The following SH3PXD2A variants were observed in gnomAD, a reference collection of about 807,000 sequenced individuals.
The protein encoded by SH3PXD2A is SH3 and PX domain-containing protein 2A.
A neutral mutation model predicts 115.2 loss-of-function variants in SH3PXD2A; 32 were observed. The ratio of observed to expected loss-of-function variants is 0.28; its 90% CI spans 0.21 to 0.37. The LOEUF (loss-of-function observed/expected upper bound fraction) is 0.37. Among genes scored for constraint, SH3PXD2A ranks in the 10% least tolerant of loss-of-function variants. SH3PXD2A has a pLI of 1.00. For synonymous variants in SH3PXD2A, 610 were observed against 629.1 expected (o/e 0.97, Z 0.45); for missense variants, 1,328 against 1,498.7 (o/e 0.89, Z 1.88).
chr10:103,677,366 G>T, intron 6 of SH3PXD2A, among the ~76,000 whole-genome samples: 1 of 152,194 alleles, frequency 6.6e-6, no homozygotes, highest in East Asian at 1.9e-4. Context: ...GGTCCCGGAA[G>T]GTCTGAGGGA....
At chr10:103,824,553 C>G (rs550144769) in intron 1 of SH3PXD2A, among the ~76,000 whole-genome samples, 1 of 152,298 alleles carries the variant, frequency 6.6e-6, no homozygotes, top group African/African-American at 2.4e-5. Context: ...TCTGGGGCCA[C>G]AGAGAACATA....
intron 5 of SH3PXD2A, among the ~76,000 whole-genome samples, chr10:103,701,759 C>CCATCCATCCATCCATCATT (rs145811918): frequency 1.2e-4 from 17 of 139,456 alleles, no homozygotes; most frequent in Admixed American, 4.9e-4. Context: ...CGTCCATCAT[C>CCATCCATCCATCCATCATT]CATCCAGCCA....
intron 6 of SH3PXD2A, among the ~76,000 whole-genome samples, chr10:103,689,621 T>G (rs573790551): frequency 2.0e-5 from 3 of 151,998 alleles, no homozygotes; most frequent in Non-Finnish European, 4.4e-5. Flanking sequence ...GCTAAGGTCA[T>G]GCCACTGCAC....
In SH3PXD2A at chr10:103,853,626, G is replaced by A. The variant is rs561549376; in HGVS notation, c.72+1569C>T. Among the ~76,000 whole-genome samples, 3 of 152,342 alleles carry A rather than the reference G, an allele frequency of 2.0e-5. No homozygotes were observed. The South Asian group carries it at 6.2e-4, about 32-fold the overall frequency. On this transcript the variant is annotated intron_variant, in intron 1 of 14. Coordinates refer to ENST00000369774, the MANE Select transcript of SH3PXD2A (RefSeq NM_001394015.1). ...GGGCCCCGGTTCTAGTTTGTTACCA[G>A]TGTGTCCTGCATCTGCAACCTTGGG... is the stretch of plus-strand genomic sequence containing the variant.
intron 2 of SH3PXD2A, among the ~76,000 whole-genome samples, chr10:103,797,800 A>T (rs762376762): frequency 2.0e-5 from 3 of 151,938 alleles, no homozygotes; most frequent in Admixed American, 6.6e-5. Context: ...GGAAAAACCA[A>T]AGAGTGTGGG....
At chr10:103,655,771 TAAAAAAA>T (rs60526548) in intron 8 of SH3PXD2A, among the ~76,000 whole-genome samples, 16 of 46,188 alleles carry the variant, frequency 3.5e-4, no homozygotes, top group African/African-American at 1.2e-3. Context: ...AGACCCTGTC[TAAAAAAA>T]AAAAAAAAAA....
chr10:103,623,268 G>GC (rs368108415), intron 9 of SH3PXD2A, among the ~76,000 whole-genome samples: 1,918 of 145,866 alleles, frequency 0.013, 35 homozygotes, highest in African/African-American at 0.04. Flanking sequence ...TGATGACAGG[G>GC]GCCCCCTCCC....
Position 103,690,273 on chromosome 10 carries a change from A to G in SH3PXD2A, c.427+2755T>C, listed in dbSNP as rs117512836. 1.1e-3 allele frequency among the ~76,000 whole-genome samples: 160 copies of G among 152,344 alleles called. 5 individuals carry two copies. The East Asian group carries it at 0.03, about 29-fold the overall frequency. On this transcript the variant is annotated intron_variant, in intron 6 of 14. Coordinates refer to ENST00000369774, the MANE Select transcript of SH3PXD2A (RefSeq NM_001394015.1). ...CTAGGTGGCAGGCAGTGTTCTAAAC[A>G]TGCTTACATATATTAGTTTATCTAA...
At chr10:103,709,931 C>T (rs1051134546) in intron 5 of SH3PXD2A, among the ~76,000 whole-genome samples, 3 of 151,504 alleles carry the variant, frequency 2.0e-5, no homozygotes, top group Non-Finnish European at 4.4e-5. Context: ...CATGGCAAAA[C>T]CTTGTCTCTA....
chr10:103,736,651 A>G, intron 3 of SH3PXD2A: 1 of 689,882 alleles, frequency 1.4e-6, no homozygotes, highest in Non-Finnish European at 2.2e-6. Context: ...AGCTGGGAGT[A>G]ATGTCCCTCT....
chr10:103,697,967 G>C (rs2037844653), intron 5 of SH3PXD2A, among the ~76,000 whole-genome samples: 1 of 152,182 alleles, frequency 6.6e-6, no homozygotes, highest in Admixed American at 6.5e-5. Flanking sequence ...CCATTTCATG[G>C]ATGAGGAGAT....
chr10:103,781,982 C>T (rs554555420), intron 2 of SH3PXD2A, among the ~76,000 whole-genome samples: 26 of 152,268 alleles, frequency 1.7e-4, no homozygotes, highest in African/African-American at 6.3e-4. Flanking sequence ...GGGAACCCAC[C>T]GCCTCTCTGA....
chr10:103,781,261 A>G (rs574759037), intron 2 of SH3PXD2A, among the ~76,000 whole-genome samples: 27 of 152,320 alleles, frequency 1.8e-4, no homozygotes, highest in Middle Eastern at 6.8e-3. Flanking sequence ...AGGTACAATC[A>G]TGGAACTAAA....
chr10:103,732,010 A>G (rs2038325441), intron 4 of SH3PXD2A, among the ~76,000 whole-genome samples: 1 of 152,212 alleles, frequency 6.6e-6, no homozygotes, highest in South Asian at 2.1e-4. Flanking sequence ...TCATAGATAG[A>G]CGAATAATAG....
chr10:103,603,705 G>T lies in SH3PXD2A; in HGVS notation c.1513C>A (p.Arg505Ser), dbSNP rs749103006. 6.2e-7 allele frequency: 1 copy of T among 1,610,428 alleles called. No individual in the cohort carries two copies. The highest frequency in any genetic ancestry group is 8.5e-7 in the Non-Finnish European group (1 of 1,179,612). The change falls in exon 15 of 15, where the codon CGC (arginine) becomes AGC (serine). Residue 505 changes from arginine to serine, a missense_variant. Arg to Ser is a moderately radical substitution (Grantham distance 110). Around this residue, in one of 5 missense-constraint regions of SH3PXD2A, gnomAD observed 509 missense variants for 628.3 expected, o/e 0.81. Coordinates refer to ENST00000369774, the MANE Select transcript of SH3PXD2A (RefSeq NM_001394015.1). ...CGGCGGCTCAGGTTGGGCTTCTTGC[G>T]CTTATCGATGTATGATGCGGGGGCC... is the stretch of plus-strand genomic sequence containing the variant. ...GWAPASYIDK[R>S]KKPNLSRRTS...
chr10:103,615,233 C>T (rs1158407242), intron 11 of SH3PXD2A, among the ~76,000 whole-genome samples: 1 of 152,200 alleles, frequency 6.6e-6, no homozygotes, highest in African/African-American at 2.4e-5. Flanking sequence ...TCTACATGGA[C>T]ACTGTAGAGC....
In SH3PXD2A at chr10:103,798,453, G is replaced by A. The variant is rs572277583; in HGVS notation, c.153+2829C>T. ...GCCTCCTGAATAGCTGGAACTACAGGCACACCATCGCACCTCGCTAGTTCT... is the reference window on the plus strand; with the variant it reads ...GCCTCCTGAATAGCTGGAACTACAGACACACCATCGCACCTCGCTAGTTCT... On this transcript the variant is annotated intron_variant, in intron 2 of 14. Transcript: ENST00000369774. Among the ~76,000 whole-genome samples, 3 of 152,282 alleles carry A rather than the reference G, an allele frequency of 2.0e-5. No individual in the cohort carries two copies. In the South Asian group the frequency reaches 6.2e-4, roughly 32 times the overall value.
intron 3 of SH3PXD2A, among the ~76,000 whole-genome samples, chr10:103,742,520 G>T (rs2038455110): frequency 6.6e-6 from 1 of 152,212 alleles, no homozygotes; most frequent in Non-Finnish European, 1.5e-5. Context: ...TCAAGGGTTA[G>T]GACTTGGATA....
intron 7 of SH3PXD2A, chr10:103,661,869 A>G: frequency 1.0e-6 from 1 of 985,080 alleles, no homozygotes; most frequent in Non-Finnish European, 1.2e-6. Context: ...AAACCCAAGA[A>G]GAAAGTCCCC....
Sources: gnomAD v4.1 joint callset for allele counts (sites outside exome capture counted in the v4.1 genomes callset) on GRCh38, gnomAD v4.1.1 for gene constraint, gnomAD v4.1.1 regional missense constraint, MANE v1.5 for transcripts, NCBI Gene and HGNC (gene_info 2026-07-23, HGNC 2026-07-21) for gene names.